The following HOMER3 variants were observed in gnomAD, a reference collection of about 807,000 sequenced individuals.
The protein encoded by HOMER3 is homer protein homolog 3.
A neutral mutation model predicts 45.5 loss-of-function variants in HOMER3; 34 were observed. The ratio of observed to expected loss-of-function variants is 0.75; its 90% CI spans 0.57 to 1.00. HOMER3 has a LOEUF of 1.00. Among genes scored for constraint, HOMER3 ranks in the 50% least tolerant of loss-of-function variants. HOMER3 has a pLI of 0.00. For missense variants in HOMER3, 480 were observed against 497.5 expected, an observed-to-expected ratio of 0.96 and a Z score of 0.33; for synonymous variants, 223 against 208.8, an observed-to-expected ratio of 1.07 and a Z score of -0.58.
chr19:18,933,066 A>G, intron 5 of HOMER3, 21 bp from the exon 6 acceptor site: 1 of 1,478,276 alleles, frequency 6.8e-7, no homozygotes, highest in Non-Finnish European at 8.9e-7. Context: ...GGAAAAGAAT[A>G]GGTCACGACC....
In HOMER3 at chr19:18,936,335, A is replaced by C. The variant is rs146298817; in HGVS notation, c.304-1925T>G. Among the ~76,000 whole-genome samples the C allele has an allele frequency of 3.9e-3, 583 of 148,290 alleles. 4 individuals are homozygous for C. The highest frequency in any genetic ancestry group is 0.013 in the African/African-American group (543 of 40,398). ...TCTCAAAAAAATAAATAAATAAATA[A>C]ATAAATAAATGATTTTTTAGGCTGG... is the stretch of plus-strand genomic sequence containing the variant. On this transcript the variant is annotated intron_variant, in intron 4 of 9. Coordinates refer to ENST00000392351, the MANE Select transcript of HOMER3 (RefSeq NM_004838.4).
At chr19:18,931,874 A>T (rs2057036647) in intron 7 of HOMER3, 102 bp downstream of exon 7, 1 of 1,432,816 alleles carries the variant, frequency 7.0e-7, no homozygotes, top group Non-Finnish European at 9.1e-7. Context: ...CTGAGGTCAC[A>T]CAGCTAGTCC....
rs779874479 is a variant in HOMER3 at position 18,929,211 on chromosome 19, G to T, written c.*232C>A. On this transcript the variant is annotated 3_prime_UTR_variant, in exon 10 of 10. Transcript: ENST00000392351. ...TACCACACACACACAGCCACGCTTA[G>T]AAATGTAATCGGGGGATCTAGAAAT... 5.2e-6 allele frequency: 4 copies of T among 762,362 alleles called. No individual in the cohort carries two copies. The highest frequency in any genetic ancestry group is 9.6e-6 in the Non-Finnish European group (4 of 416,926). 47.2% of individuals were successfully genotyped at this position (762,362 alleles called of 1,614,324 possible).
Position 18,931,758 on chromosome 19 carries a change from C to A in HOMER3, c.691-133G>T, listed in dbSNP as rs1425148518. 4 of 1,475,370 alleles carry A rather than the reference C, an allele frequency of 2.7e-6. 1 individual carries two copies. The highest frequency in any genetic ancestry group is 4.7e-5 in the East Asian group (2 of 42,574). The allele number at this position is 1,475,370 out of a possible 1,614,324, so 91.4% of individuals were successfully genotyped here. Reference sequence around the variant, plus strand: ...CCATCTCCCTTGGTTGGTGCCACCACCCCCCTCTGCACAGCTTGGACTTTA... The same window carrying A: ...CCATCTCCCTTGGTTGGTGCCACCAACCCCCTCTGCACAGCTTGGACTTTA... On this transcript the variant is annotated intron_variant, in intron 7 of 9. Coordinates refer to ENST00000392351, the MANE Select transcript of HOMER3 (RefSeq NM_004838.4).
At position 18,931,367 on chromosome 19, in the gene HOMER3, G is replaced by A. The variant is rs2057029691; in HGVS notation, c.852C>T (p.Ala284=). ...LKSQTGGPRE[A]LEAAEREETQ... ...TCTCCTCACGCTCGGCAGCCTCCAG[G>A]GCCTCGCGGGGCCCCCCAGTCTGAC... The change falls in exon 9 of 10, where the codon GCC becomes GCT. Residue 284 remains alanine (A), a synonymous_variant. Transcript: ENST00000392351. The A allele has an allele frequency of 6.2e-7, 1 of 1,614,108 alleles. No homozygotes were observed. Among genetic ancestry groups the A allele is most frequent in the Non-Finnish European group, 8.5e-7 (1 of 1,180,024 alleles).
rs200401252 is a variant in HOMER3 at position 18,929,221 on chromosome 19, C to T, written c.*222G>A. Reference sequence around the variant, plus strand: ...ACACAGCCACGCTTAGAAATGTAATCGGGGGATCTAGAAATTCTACACAAT... The same window carrying T: ...ACACAGCCACGCTTAGAAATGTAATTGGGGGATCTAGAAATTCTACACAAT... On this transcript the variant is annotated 3_prime_UTR_variant, in exon 10 of 10. Coordinates refer to ENST00000392351, the MANE Select transcript of HOMER3 (RefSeq NM_004838.4). The T allele has an allele frequency of 2.1e-4, 161 of 763,688 alleles. 1 individual carries two copies. Among genetic ancestry groups the T allele is most frequent in the Non-Finnish European group, 3.0e-4 (125 of 417,836 alleles). The allele number at this position is 763,688 out of a possible 1,614,324, so 47.3% of individuals were successfully genotyped here. A position where few individuals can be genotyped will look rare whatever the true frequency, so the allele number is the denominator to read the frequency against.
intron 4 of HOMER3, among the ~76,000 whole-genome samples, chr19:18,935,496 CT>C (rs1174831554): frequency 6.6e-6 from 1 of 152,048 alleles, no homozygotes; most frequent in East Asian, 1.9e-4. Flanking sequence ...GCTAATCTGT[CT>C]TTAACACCTG....
At chr19:18,937,699 A>T (rs886497939) in intron 4 of HOMER3, among the ~76,000 whole-genome samples, 1 of 151,056 alleles carries the variant, frequency 6.6e-6, no homozygotes, top group Non-Finnish European at 1.5e-5. Flanking sequence ...AAAGAAGAAG[A>T]TCTTCGTGAA....
intron 6 of HOMER3, 106 bp from the exon 7 acceptor site, chr19:18,932,238 G>C: frequency 8.3e-7 from 1 of 1,206,026 alleles, no homozygotes; most frequent in South Asian, 1.6e-5. Context: ...TCTGGGCTTA[G>C]GTCAGGGCGA....
chr19:18,930,097 A>C (rs2057014405), intron 9 of HOMER3, among the ~76,000 whole-genome samples: 1 of 151,944 alleles, frequency 6.6e-6, no homozygotes, highest in Non-Finnish European at 1.5e-5. Flanking sequence ...TAAAAATACA[A>C]AAATTAGCTG....
At chr19:18,932,873 T>TCCCCCCCCCCCAACCCCCCCCCCC in intron 6 of HOMER3, 51 bp downstream of exon 6, 1 of 877,174 alleles carries the variant, frequency 1.1e-6, no homozygotes. Context: ...CGCCTCCTCG[T>TCCCCCCCCCCCAACCCCCCCCCCC]CCCCCACCCC....
chr19:18,933,516 A>G (rs1017757591), intron 5 of HOMER3, among the ~76,000 whole-genome samples: 10 of 152,164 alleles, frequency 6.6e-5, no homozygotes, highest in African/African-American at 2.4e-4. Context: ...GTGCCCTGCG[A>G]GAGGCCAGCG....
intron 7 of HOMER3, 29 bp downstream of exon 7, chr19:18,931,947 G>T: frequency 6.7e-7 from 1 of 1,499,540 alleles, no homozygotes; most frequent in African/African-American, 1.4e-5. Context: ...GGCCAGGTGG[G>T]GGTCTCTCGG....
At chr19:18,929,899 C>T (rs985272516) in intron 9 of HOMER3, among the ~76,000 whole-genome samples, 1 of 152,064 alleles carries the variant, frequency 6.6e-6, no homozygotes, top group African/African-American at 2.4e-5. Context: ...CTACAACCTC[C>T]GCCTCCCAGG....
In HOMER3 at chr19:18,934,302, C is replaced by T. The variant is rs953131955; in HGVS notation, c.411+1G>A. The T allele has an allele frequency of 3.3e-6, 5 of 1,508,110 alleles. No individual in the cohort carries two copies. Among genetic ancestry groups the T allele is most frequent in the African/African-American group, 1.4e-5 (1 of 70,634 alleles). 93.4% of individuals were successfully genotyped at this position (1,508,110 alleles called of 1,614,324 possible). On this transcript the variant is annotated splice_donor_variant, in intron 5 of 9. Coordinates refer to ENST00000392351, the MANE Select transcript of HOMER3 (RefSeq NM_004838.4). LOFTEE classifies it high-confidence loss of function. ...GGCATAGGGGAGTAGGGAGTGCTGA[C>T]CTGGTGGGAGGCGAGCCCCAGGGCT...
chr19:18,929,697 C>A, intron 9 of HOMER3, 63 bp from the exon 10 acceptor site: 1 of 1,365,916 alleles, frequency 7.3e-7, no homozygotes, highest in Non-Finnish European at 9.7e-7. Context: ...CCCGAGGCAT[C>A]CAGAGTCTGA....
In HOMER3 at chr19:18,929,288, C is replaced by A. The variant is rs763333732; in HGVS notation, c.*155G>T. On this transcript the variant is annotated 3_prime_UTR_variant, in exon 10 of 10. Coordinates refer to ENST00000392351, the MANE Select transcript of HOMER3 (RefSeq NM_004838.4). ...GCCCCAAAGCTGCCAACAACCAGAG[C>A]CGACTGGGGCCCACCCCAGCCCAGC... The A allele has an allele frequency of 7.3e-6, 6 of 824,502 alleles. No individual in the cohort carries two copies. Among genetic ancestry groups the A allele is most frequent in the Non-Finnish European group, 1.3e-5 (6 of 473,008 alleles). 51.1% of individuals were successfully genotyped at this position (824,502 alleles called of 1,614,324 possible). A position where few individuals can be genotyped will look rare whatever the true frequency, so the allele number is the denominator to read the frequency against.
At chr19:18,935,299 C>T (rs1373774291) in intron 4 of HOMER3, among the ~76,000 whole-genome samples, 1 of 151,994 alleles carries the variant, frequency 6.6e-6, no homozygotes, top group Non-Finnish European at 1.5e-5. Flanking sequence ...GCCACCACGC[C>T]CAGCTAATTT....
In HOMER3 at chr19:18,929,404, A is replaced by G. The variant is rs777341840; in HGVS notation, c.*39T>C. ...CTATGCCGCCTGCAGCCTGGCCCGC[A>G]TCCCAGGCCGGAATCGTTCATAGAA... On this transcript the variant is annotated 3_prime_UTR_variant, in exon 10 of 10. Transcript: ENST00000392351. 1.3e-6 allele frequency: 2 copies of G among 1,576,236 alleles called. No homozygotes were observed. Among genetic ancestry groups the G allele is most frequent in the East Asian group, 2.3e-5 (1 of 44,320 alleles).
Sources: allele counts gnomAD v4.1 joint callset (sites outside exome capture counted in the v4.1 genomes callset), GRCh38; gene constraint gnomAD v4.1.1; transcripts MANE v1.5; gene names NCBI Gene and HGNC (gene_info 2026-07-23, HGNC 2026-07-21).